The following GAS7 variants were observed in gnomAD, a reference collection of about 807,000 sequenced individuals.
GAS7 encodes growth arrest specific 7, also known as growth arrest-specific protein 7.
GAS7 carries 28 observed loss-of-function variants against 71.1 expected under a neutral mutation model. The observed-to-expected ratio is 0.39, with a 90% confidence interval of 0.29 to 0.54. The LOEUF is 0.54. Among genes scored for constraint, GAS7 ranks in the 20% least tolerant of loss-of-function variants. The pLI is 0.62. For missense variants in GAS7, 436 were observed against 627.8 expected, an observed-to-expected ratio of 0.69 and a Z score of 3.27; for synonymous variants, 258 against 245.8, an observed-to-expected ratio of 1.05 and a Z score of -0.46.
chr17:10,125,537 GAA>G lies in GAS7; in HGVS notation c.183+72669_183+72670del, dbSNP rs34160339. Reference sequence around the variant, plus strand: ...CGAAACTCCATCTTAAAAAAAAAAAGAAAAAAAAAAAAGGTCAAACAACTGTG... The same window carrying G: ...CGAAACTCCATCTTAAAAAAAAAAAGAAAAAAAAAAGGTCAAACAACTGTG... On this transcript the variant is annotated intron_variant, in intron 1 of 13. Coordinates refer to ENST00000432992, the MANE Select transcript of GAS7 (RefSeq NM_201433.2). Among the ~76,000 whole-genome samples, 67 of 99,950 alleles carry G rather than the reference GAA, an allele frequency of 6.7e-4. 4 individuals are homozygous for G. The highest frequency in any genetic ancestry group is 0.011 in the Middle Eastern group (2 of 178). 65.6% of individuals were successfully genotyped at this position (99,950 alleles called of 152,430 possible). A position where few individuals can be genotyped will look rare whatever the true frequency, so the allele number is the denominator to read the frequency against.
intron 2 of GAS7, among the ~76,000 whole-genome samples, chr17:10,005,145 G>GCACA (rs2071441595): frequency 1.9e-4 from 7 of 36,616 alleles, no homozygotes; most frequent in African/African-American, 6.1e-4. Context: ...GTGCGCGCAC[G>GCACA]CATGCATGCA....
intron 1 of GAS7, among the ~76,000 whole-genome samples, chr17:10,056,637 C>T (rs907037015): frequency 4.6e-5 from 7 of 152,114 alleles, no homozygotes; most frequent in Non-Finnish European, 1.0e-4. Context: ...TTTGGGAGGC[C>T]AAGGCAGGTG....
At chr17:9,986,641 T>C (rs1339048362) in intron 2 of GAS7, among the ~76,000 whole-genome samples, 1 of 152,090 alleles carries the variant, frequency 6.6e-6, no homozygotes, top group Non-Finnish European at 1.5e-5. Flanking sequence ...AATGCTGCTG[T>C]CCATGTGGGG....
At chr17:10,012,526 G>T (rs113363174) in intron 2 of GAS7, among the ~76,000 whole-genome samples, 1 of 152,060 alleles carries the variant, frequency 6.6e-6, no homozygotes, top group African/African-American at 2.4e-5. Flanking sequence ...GGGCTCAAGT[G>T]ATCTGCCCAC....
At chr17:10,029,910 C>T (rs2072569982) in intron 1 of GAS7, among the ~76,000 whole-genome samples, 1 of 151,854 alleles carries the variant, frequency 6.6e-6, no homozygotes, top group African/African-American at 2.4e-5. Flanking sequence ...GATCAAGAGG[C>T]AGGAGGAACA....
chr17:10,060,172 G>A (rs572617508), intron 1 of GAS7, among the ~76,000 whole-genome samples: 8 of 152,210 alleles, frequency 5.3e-5, no homozygotes, highest in Admixed American at 1.3e-4. Context: ...TTAAAGCGCC[G>A]AGGAGAAGCA....
At chr17:9,964,604 C>T (rs1215072736) in intron 4 of GAS7, among the ~76,000 whole-genome samples, 1 of 152,204 alleles carries the variant, frequency 6.6e-6, no homozygotes, top group Non-Finnish European at 1.5e-5. Context: ...AAGTGAAACC[C>T]TTGCTCATCA....
At chr17:10,056,079 G>C (rs951139869) in intron 1 of GAS7, among the ~76,000 whole-genome samples, 2 of 152,086 alleles carry the variant, frequency 1.3e-5, no homozygotes, top group Non-Finnish European at 2.9e-5. Flanking sequence ...CTCTTTTCTA[G>C]AACAGTGTCC....
intron 1 of GAS7, among the ~76,000 whole-genome samples, chr17:10,150,802 T>TTTTA: frequency 6.6e-6 from 1 of 152,092 alleles, no homozygotes; most frequent in Admixed American, 6.6e-5. Context: ...TTGGCCAGGC[T>TTTTA]GGTCTCGAAC....
At chr17:10,081,861 G>T (rs1274198596) in intron 1 of GAS7, among the ~76,000 whole-genome samples, 1 of 152,180 alleles carries the variant, frequency 6.6e-6, no homozygotes, top group Non-Finnish European at 1.5e-5. Flanking sequence ...CACTATTTAG[G>T]AAAGTCCAGA....
rs756625050 is a variant in GAS7 at position 9,919,619 on chromosome 17, C to T, written c.1218+7G>A. 87 of 1,605,074 alleles carry T rather than the reference C, an allele frequency of 5.4e-5. No individual in the cohort carries two copies. The highest frequency in any genetic ancestry group is 8.9e-5 in the East Asian group (4 of 44,850). ...ACTGCCATGTCCACACATCCCTGCC[C>T]GCTTACCAATGTGGTGGTCACCATC... is the stretch of plus-strand genomic sequence containing the variant. On this transcript the variant is annotated splice_region_variant and intron_variant, in intron 12 of 13. Transcript: ENST00000432992. This position sits in a 1 kb window ranked among gnomAD's most constrained non-coding sequence, Gnocchi z 5.0.
In GAS7 at chr17:9,937,913, T is replaced by C. The variant is rs191566120; in HGVS notation, c.806+2213A>G. Among the ~76,000 whole-genome samples, 10 of 152,300 alleles carry C rather than the reference T, an allele frequency of 6.6e-5. No individual in the cohort carries two copies. In the East Asian group the frequency reaches 1.9e-3, roughly 29 times the overall value. ...TCCTGAGAGTCTTTCTGTTTTTTTT[T>C]ACAGAGGTGAAATTCATATAACATA... On this transcript the variant is annotated intron_variant, in intron 8 of 13. Transcript: ENST00000432992.
At chr17:10,128,273 A>T (rs1380239543) in intron 1 of GAS7, among the ~76,000 whole-genome samples, 3 of 152,182 alleles carry the variant, frequency 2.0e-5, no homozygotes, top group Admixed American at 2.0e-4. Context: ...CCCTTCCTAA[A>T]TCAAGGCCAA....
intron 1 of GAS7, among the ~76,000 whole-genome samples, chr17:10,121,056 T>C (rs956551170): frequency 6.6e-6 from 1 of 152,162 alleles, no homozygotes; most frequent in African/African-American, 2.4e-5. Context: ...GTGCAGAAGA[T>C]TGGAATGTAT....
At position 10,059,772 on chromosome 17, in the gene GAS7, G is replaced by A. The variant is rs551425704; in HGVS notation, c.184-39875C>T. ...CCATCCCCACATCCGCTGCTTCCCCGTGGCATCGGCTAATTCACTGTGCAA... is the reference window on the plus strand; with the variant it reads ...CCATCCCCACATCCGCTGCTTCCCCATGGCATCGGCTAATTCACTGTGCAA... On this transcript the variant is annotated intron_variant, in intron 1 of 13. Coordinates refer to ENST00000432992, the MANE Select transcript of GAS7 (RefSeq NM_201433.2). The A allele has an allele frequency of 1.2e-5, 12 of 984,852 alleles. No individual in the cohort carries two copies. The East Asian group carries it at 3.4e-4, about 28-fold the overall frequency. The allele number at this position is 984,852 out of a possible 1,614,324, so 61.0% of individuals were successfully genotyped here. A position where few individuals can be genotyped will look rare whatever the true frequency, so the allele number is the denominator to read the frequency against.
chr17:10,064,569 T>C (rs1167845699), intron 1 of GAS7, among the ~76,000 whole-genome samples: 1 of 152,196 alleles, frequency 6.6e-6, no homozygotes, highest in African/African-American at 2.4e-5. Flanking sequence ...GCTGGATACC[T>C]GGAATTTGGT....
chr17:10,124,390 A>T (rs1324072731), intron 1 of GAS7, among the ~76,000 whole-genome samples: 1 of 152,098 alleles, frequency 6.6e-6, no homozygotes, highest in Non-Finnish European at 1.5e-5. Context: ...CACACAACAC[A>T]GTTCCTTACT....
chr17:10,098,343 C>A (rs2073665198), intron 1 of GAS7, among the ~76,000 whole-genome samples: 1 of 152,200 alleles, frequency 6.6e-6, no homozygotes, highest in Non-Finnish European at 1.5e-5. Context: ...CTCCACTCAC[C>A]CCATGCAGCC....
chr17:10,131,331 T>C (rs559542910), intron 1 of GAS7, among the ~76,000 whole-genome samples: 20 of 152,328 alleles, frequency 1.3e-4, no homozygotes, highest in Admixed American at 1.2e-3. Flanking sequence ...CAAAGTCTCA[T>C]GTATTCCTGG....
Sources: allele counts gnomAD v4.1 joint callset (sites outside exome capture counted in the v4.1 genomes callset), GRCh38; gene constraint gnomAD v4.1.1; non-coding constraint Gnocchi (gnomAD v3.1); transcripts MANE v1.5; gene names NCBI Gene and HGNC (gene_info 2026-07-23, HGNC 2026-07-21).